The following P2RY8 variants were observed in gnomAD, a reference collection of about 807,000 sequenced individuals.
The protein encoded by P2RY8 is S-geranylgeranyl-glutathione receptor P2RY8.
A neutral mutation model predicts 10.0 loss-of-function variants in P2RY8; 6 were observed. The observed-to-expected ratio is 0.60, with a 90% CI of 0.33 to 1.19. The LOEUF (loss-of-function observed/expected upper bound fraction) is 1.19, where lower values mean the gene tolerates loss of function less well. Ranked by LOEUF, P2RY8 falls within the 50% of genes most tolerant of loss-of-function variation. The probability of loss-of-function intolerance (pLI) is 0.04; values close to 1 mark genes in which losing one functional copy is unlikely to be tolerated. For missense variants in P2RY8, 456 were observed against 542.0 expected, an observed-to-expected ratio of 0.84 and a Z score of 1.58; for synonymous variants, 276 against 252.5, an observed-to-expected ratio of 1.09 and a Z score of -0.88.
chrX:1,483,134 G>A (rs1251072161), intron 1 of P2RY8, among the ~76,000 whole-genome samples: 1 of 152,108 alleles, frequency 6.6e-6, no homozygotes, highest in Non-Finnish European at 1.5e-5. Flanking sequence ...AATAAAGATC[G>A]TTGCTCAGTG....
intron 1 of P2RY8, among the ~76,000 whole-genome samples, chrX:1,492,205 T>TG (rs1168816905): frequency 6.6e-6 from 1 of 151,778 alleles, no homozygotes; most frequent in African/African-American, 2.4e-5. Flanking sequence ...TCACTGAAGA[T>TG]GGGGGTGTGT....
intron 1 of P2RY8, among the ~76,000 whole-genome samples, chrX:1,497,753 G>C (rs7062063): frequency 6.6e-6 from 1 of 151,986 alleles, no homozygotes; most frequent in African/African-American, 2.4e-5. Flanking sequence ...CGGACTTGCT[G>C]AGGTGTGGAG....
intron 1 of P2RY8, among the ~76,000 whole-genome samples, chrX:1,524,092 TA>T (rs1161482342): frequency 1.3e-5 from 2 of 152,172 alleles, no homozygotes; most frequent in Non-Finnish European, 2.9e-5. Context: ...TTGGAGTGTC[TA>T]CACGTCTCCC....
At chrX:1,480,393 GTTT>G (rs10552339) in intron 1 of P2RY8, among the ~76,000 whole-genome samples, 79,467 of 148,036 alleles carry the variant, frequency 0.54, 21,394 homozygotes, top group South Asian at 0.64. Flanking sequence ...CGCTTCCCGG[GTTT>G]TTTTTTTTTT....
Position 1,465,406 on chromosome X carries a change from G to T in P2RY8, c.*73C>A. 6.6e-7 allele frequency: 1 copy of T among 1,522,746 alleles called. No individual in the cohort carries two copies. Among genetic ancestry groups the T allele is most frequent in the Non-Finnish European group, 8.7e-7 (1 of 1,143,542 alleles). The allele number at this position is 1,522,746 out of a possible 1,614,324, so 94.3% of individuals were successfully genotyped here. On this transcript the variant is annotated 3_prime_UTR_variant, in exon 2 of 2. Transcript: ENST00000381297. Reference sequence around the variant, plus strand: ...CGCAGCTGTTCTCCCTGAACCTCTGGCACCGTGGCCTCTCCATGCGCCCCT... The same window carrying T: ...CGCAGCTGTTCTCCCTGAACCTCTGTCACCGTGGCCTCTCCATGCGCCCCT...
intron 1 of P2RY8, among the ~76,000 whole-genome samples, chrX:1,514,377 CCCTTCCCTCCCTTCCCTTCCCTTT>C (rs1200856345): frequency 2.1e-4 from 29 of 137,594 alleles, no homozygotes; most frequent in African/African-American, 8.1e-4. Flanking sequence ...CTTTTCCTTT[CCCTTCCCTCCCTTCCCTTCCCTTT>C]CCTCCCCTCC....
rs1603452618 is a variant in P2RY8 at position 1,465,738 on chromosome X, A to G, written c.821T>C (p.Val274Ala). ...GCTGAGACACAGCGTGAGCTTGTAC[A>G]CGTGGTAGTAGCTCTTGCCGTAGAA... ...RLFYGKSYYH[V>A]YKLTLCLSCL... is the part of the protein sequence containing the mutation. Residue 274 changes from valine (V) to alanine (A), a missense_variant, in exon 2 of 2, where the codon GTG (valine) becomes GCG (alanine). Val to Ala is a moderately conservative substitution (Grantham distance 64, BLOSUM62 0). Transcript: ENST00000381297. 6.2e-7 allele frequency: 1 copy of G among 1,613,690 alleles called. No individual in the cohort carries two copies. The highest frequency in any genetic ancestry group is 8.5e-7 in the Non-Finnish European group (1 of 1,179,838).
chrX:1,485,705 A>G lies in P2RY8; in HGVS notation c.-24-19123T>C, dbSNP rs185943412. The stretch of plus-strand genomic sequence containing the variant: ...CAACTTATTTTATTATAAATTAAAC[A>G]TGTTATATTGTATGTATATTTAATA... On this transcript the variant is annotated intron_variant, in intron 1 of 1. Transcript: ENST00000381297. 2.1e-3 allele frequency among the ~76,000 whole-genome samples: 307 copies of G among 148,136 alleles called. 9 individuals carry two copies. Among genetic ancestry groups the G allele is most frequent in the Admixed American group, 0.018 (271 of 14,764 alleles).
chrX:1,465,168 A>G lies in P2RY8; in HGVS notation c.*311T>C. ...CTCTACTAAAAAAAATACAAAAATTAGCCGGGCGTGGTGACACAAGCTGTC... is the reference window on the plus strand; with the variant it reads ...CTCTACTAAAAAAAATACAAAAATTGGCCGGGCGTGGTGACACAAGCTGTC... On this transcript the variant is annotated 3_prime_UTR_variant, in exon 2 of 2. Coordinates refer to ENST00000381297, the MANE Select transcript of P2RY8 (RefSeq NM_178129.5). The G allele has an allele frequency of 2.2e-6, 1 of 450,320 alleles. No homozygotes were observed. Among genetic ancestry groups the G allele is most frequent in the South Asian group, 4.2e-5 (1 of 23,922 alleles). 27.9% of individuals were successfully genotyped at this position (450,320 alleles called of 1,614,324 possible).
intron 1 of P2RY8, among the ~76,000 whole-genome samples, chrX:1,511,709 C>A (rs772064432): frequency 6.6e-6 from 1 of 152,286 alleles, no homozygotes; most frequent in African/African-American, 2.4e-5. Flanking sequence ...AAGTTGACAC[C>A]TTCCATTCTC....
At position 1,465,814 on chromosome X, in the gene P2RY8, A is replaced by G; in HGVS notation, c.745T>C (p.Cys249Arg). 1.9e-6 allele frequency: 3 copies of G among 1,613,336 alleles called. No individual in the cohort carries two copies. The highest frequency in any genetic ancestry group is 2.5e-6 in the Non-Finnish European group (3 of 1,179,802). ...AGCACGAAGTTGTTGGGGGCGAAGC[A>G]GGTGACAAAGGCCAGCAAGACCACC... ...AAVVLLAFVT[C>R]FAPNNFVLLA... Residue 249 changes from cysteine to arginine, a missense_variant, in exon 2 of 2, where the codon TGC becomes CGC. Physicochemically the swap from Cys to Arg is radical, Grantham distance 180. Transcript: ENST00000381297.
chrX:1,476,360 A>G (rs1185123480), intron 1 of P2RY8, among the ~76,000 whole-genome samples: 26 of 151,814 alleles, frequency 1.7e-4, no homozygotes, highest in Admixed American at 1.2e-3. Flanking sequence ...GCAGATCATG[A>G]GGTCAGGAGA....
intron 1 of P2RY8, among the ~76,000 whole-genome samples, chrX:1,509,103 C>CTATGTATG (rs1426879669): frequency 6.7e-3 from 670 of 99,782 alleles, no homozygotes; most frequent in Non-Finnish European, 9.2e-3. Flanking sequence ...ATCTATGTAT[C>CTATGTATG]TATCTATCTA....
intron 1 of P2RY8, among the ~76,000 whole-genome samples, chrX:1,536,685 G>T (rs1246716677): frequency 1.3e-5 from 2 of 152,140 alleles, no homozygotes; most frequent in African/African-American, 4.8e-5. Flanking sequence ...TTAAAGGAAG[G>T]GTGGCTTGCA....
chrX:1,499,754 A>G (rs1569537665), intron 1 of P2RY8, among the ~76,000 whole-genome samples: 1 of 152,182 alleles, frequency 6.6e-6, no homozygotes, highest in Non-Finnish European at 1.5e-5. Context: ...TCCCCAAAAC[A>G]GAGCCGTAAG....
chrX:1,466,174 G>A lies in P2RY8; in HGVS notation c.385C>T (p.Leu129Phe), dbSNP rs2091673164. 1 of 1,612,458 alleles carries A rather than the reference G, an allele frequency of 6.2e-7. No homozygotes were observed. The highest frequency in any genetic ancestry group is 8.5e-7 in the Non-Finnish European group (1 of 1,179,382). ...VERFLGVLYPLSSKRWRRRRY... is the reference protein window; with the variant it reads ...VERFLGVLYPFSSKRWRRRRY... Reference sequence around the variant, plus strand: ...CGGCGGCGCCAGCGCTTGGAGCTGAGCGGGTACAGGACCCCCAGGAAGCGC... The same window carrying A: ...CGGCGGCGCCAGCGCTTGGAGCTGAACGGGTACAGGACCCCCAGGAAGCGC... The change falls in exon 2 of 2, where the codon CTC becomes TTC. Residue 129 changes from leucine to phenylalanine, a missense_variant. Coordinates refer to ENST00000381297, the MANE Select transcript of P2RY8 (RefSeq NM_178129.5).
chrX:1,509,115 C>G (rs761775572), intron 1 of P2RY8, among the ~76,000 whole-genome samples: 2,158 of 148,156 alleles, frequency 0.015, 2 homozygotes, highest in African/African-American at 0.028. Flanking sequence ...ATCTATCTAT[C>G]TATCTATCTA....
At chrX:1,533,777 T>C (rs2092500969) in intron 1 of P2RY8, among the ~76,000 whole-genome samples, 1 of 123,794 alleles carries the variant, frequency 8.1e-6, no homozygotes, top group Non-Finnish European at 1.6e-5. Context: ...CTTATATATT[T>C]ATTATTTAAA....
At chrX:1,532,357 A>G (rs2092481869) in intron 1 of P2RY8, among the ~76,000 whole-genome samples, 1 of 150,448 alleles carries the variant, frequency 6.6e-6, no homozygotes, top group Admixed American at 6.6e-5. Context: ...TGATGTGTAT[A>G]TATACACATA....
Sources: gnomAD v4.1 joint callset for allele counts (sites outside exome capture counted in the v4.1 genomes callset) on GRCh38, gnomAD v4.1.1 for gene constraint, MANE v1.5 for transcripts, NCBI Gene and HGNC (gene_info 2026-07-23, HGNC 2026-07-21) for gene names.